SASH1: variants seen among roughly 807,000 people sequenced by gnomAD.
SASH1 encodes SAM and SH3 domain-containing protein 1.
Under a neutral mutation model 125.2 loss-of-function variants are expected in SASH1, and 44 were observed. That is an observed-to-expected ratio of 0.35 (90% CI 0.28 to 0.45). SASH1 has a LOEUF of 0.45. SASH1 is among the 20% of genes least tolerant of loss of function. SASH1 has a pLI of 1.00. For missense variants in SASH1, 1,426 were observed against 1,614.5 expected, an observed-to-expected ratio of 0.88 and a Z score of 2.00; for synonymous variants, 639 against 649.1, an observed-to-expected ratio of 0.98 and a Z score of 0.24.
At chr6:148,513,839 T>C in intron 8 of SASH1, 1 of 986,486 alleles carries the variant, frequency 1.0e-6, no homozygotes, top group Non-Finnish European at 1.2e-6. Flanking sequence ...TTCCCTTTCC[T>C]GCCCTGCTGT....
intron 2 of SASH1, among the ~76,000 whole-genome samples, chr6:148,405,921 G>GA (rs565955379): frequency 3.6e-4 from 54 of 152,068 alleles, no homozygotes; most frequent in African/African-American, 1.2e-3. Context: ...TGTTACTTAG[G>GA]AAAAAAAATC....
rs1197462267 is a variant in SASH1 at position 148,326,351 on chromosome 6, T to C, written n.74+53974T>C. Among the ~76,000 whole-genome samples the C allele has an allele frequency of 2.4e-3, 196 of 82,946 alleles. 9 individuals carry two copies. Among genetic ancestry groups the C allele is most frequent in the African/African-American group, 8.2e-3 (189 of 22,978 alleles). The allele number at this position is 82,946 out of a possible 152,430, so 54.4% of individuals were successfully genotyped here. A position where few individuals can be genotyped will look rare whatever the true frequency, so the allele number is the denominator to read the frequency against. On this transcript the variant is annotated intron_variant and non_coding_transcript_variant, in intron 1 of 3. Transcript: ENST00000367469. Reference sequence around the variant, plus strand: ...ATATATATATATATATATATATATATATATATGCATATATATATATATACA... The same window carrying C: ...ATATATATATATATATATATATATACATATATGCATATATATATATATACA...
chr6:148,262,824 A>G, the SASH1 span, among the ~76,000 whole-genome samples: 1 of 152,212 alleles, frequency 6.6e-6, no homozygotes, highest in Admixed American at 6.5e-5. Context: ...GGGAGGTTGC[A>G]GTGAGCCAAG....
chr6:148,504,193 G>A (rs1372589735), intron 8 of SASH1, among the ~76,000 whole-genome samples: 3 of 152,196 alleles, frequency 2.0e-5, no homozygotes, highest in Non-Finnish European at 4.4e-5. Context: ...AGTTAGGGGT[G>A]TGGATGCAAT....
rs1357098189 is a variant in SASH1 at position 148,342,999 on chromosome 6, G to C, written c.-69G>C. On this transcript the variant is annotated 5_prime_UTR_variant, in exon 1 of 20. Coordinates refer to ENST00000367467, the MANE Select transcript of SASH1 (RefSeq NM_015278.5). ...GGGCGGGGACCCGGCATCCGGGCAG[G>C]CTGCGCGCGGGTGCGGGGCGAGGGC... 7 of 1,085,600 alleles carry C rather than the reference G, an allele frequency of 6.4e-6. No individual in the cohort carries two copies. The highest frequency in any genetic ancestry group is 7.8e-6 in the Non-Finnish European group (7 of 895,520). The allele number at this position is 1,085,600 out of a possible 1,614,324, so 67.2% of individuals were successfully genotyped here.
At chr6:148,445,722 A>C (rs375240785) in intron 4 of SASH1, among the ~76,000 whole-genome samples, 34 of 152,272 alleles carry the variant, frequency 2.2e-4, no homozygotes, top group African/African-American at 7.9e-4. Context: ...AGAGGGAAGA[A>C]GGCAGTAGGT....
chr6:148,351,191 G>GTTTT (rs67285564), intron 1 of SASH1, among the ~76,000 whole-genome samples: 1 of 102,156 alleles, frequency 9.8e-6, no homozygotes, highest in African/African-American at 3.4e-5. Flanking sequence ...TGCGATAGTA[G>GTTTT]TTTTTTTTTT....
At chr6:148,433,413 T>C (rs555741996) in intron 2 of SASH1, among the ~76,000 whole-genome samples, 5 of 141,900 alleles carry the variant, frequency 3.5e-5, no homozygotes, top group South Asian at 2.1e-4. Context: ...TTTCTTTTTT[T>C]TTTTTTTTTT....
At chr6:148,454,010 C>T (rs1777222884) in intron 4 of SASH1, among the ~76,000 whole-genome samples, 1 of 152,198 alleles carries the variant, frequency 6.6e-6, no homozygotes, top group Non-Finnish European at 1.5e-5. Flanking sequence ...CTGAAGTCAG[C>T]AGGGCAGGCA....
intron 2 of SASH1, among the ~76,000 whole-genome samples, chr6:148,415,223 A>G (rs1007153512): frequency 1.3e-5 from 2 of 152,332 alleles, no homozygotes; most frequent in African/African-American, 4.8e-5. Flanking sequence ...AACAATTTAC[A>G]TACTGACATT....
intron 1 of SASH1, among the ~76,000 whole-genome samples, chr6:148,375,972 T>A (rs559459412): frequency 2.8e-4 from 42 of 152,328 alleles, no homozygotes; most frequent in African/African-American, 9.4e-4. Context: ...AGCTAACTCA[T>A]GCACTGTACT....
At chr6:148,359,182 G>A (rs543552336) in intron 1 of SASH1, among the ~76,000 whole-genome samples, 51 of 151,874 alleles carry the variant, frequency 3.4e-4, no homozygotes, top group Admixed American at 2.2e-3. Context: ...TTCTTGAGAC[G>A]GTGTCTCACT....
chr6:148,331,858 A>T (rs1781004314), intron 1 of SASH1, among the ~76,000 whole-genome samples: 1 of 151,528 alleles, frequency 6.6e-6, no homozygotes, highest in Non-Finnish European at 1.5e-5. Flanking sequence ...TGCCTGGTTA[A>T]TTTTTTGTAG....
intron 7 of SASH1, among the ~76,000 whole-genome samples, chr6:148,474,660 C>G (rs73585694): frequency 6.6e-6 from 1 of 152,186 alleles, no homozygotes; most frequent in Non-Finnish European, 1.5e-5. Flanking sequence ...CAGCCTCAAC[C>G]TCCTGGGTCC....
At chr6:148,402,790 T>C (rs961594381) in intron 2 of SASH1, among the ~76,000 whole-genome samples, 1 of 151,076 alleles carries the variant, frequency 6.6e-6, no homozygotes, top group Non-Finnish European at 1.5e-5. Context: ...TTCTATTTTT[T>C]AGTAGAGACA....
chr6:148,349,366 C>T (rs1389572866), intron 1 of SASH1, among the ~76,000 whole-genome samples: 1 of 139,518 alleles, frequency 7.2e-6, no homozygotes, highest in Non-Finnish European at 1.5e-5. Flanking sequence ...CAGGTTCAAG[C>T]AATTCTCCTG....
At chr6:148,234,981 G>C in the SASH1 span, among the ~76,000 whole-genome samples, 1 of 152,294 alleles carries the variant, frequency 6.6e-6, no homozygotes, top group African/African-American at 2.4e-5. Flanking sequence ...TCGGTCCCAG[G>C]TGAAGTAGAA....
In SASH1 at chr6:148,532,086, A is replaced by AT. The variant is rs1583313207; in HGVS notation, c.1564+430dup. Among the ~76,000 whole-genome samples the AT allele has an allele frequency of 1.3e-5, 2 of 152,008 alleles. No individual in the cohort carries two copies. Among genetic ancestry groups the AT allele is most frequent in the Non-Finnish European group, 2.9e-5 (2 of 67,990 alleles). ...AAAAGATCAACTTTATTTTATTTTT[A>AT]TTTTTATTTTTGAGATGGAGTCTCA... On this transcript the variant is annotated intron_variant, in intron 13 of 19. Coordinates refer to ENST00000367467, the MANE Select transcript of SASH1 (RefSeq NM_015278.5). This position sits in a 1 kb window ranked among gnomAD's most constrained non-coding sequence, Gnocchi z 4.7.
chr6:148,432,958 G>A (rs1018841929), intron 2 of SASH1, among the ~76,000 whole-genome samples: 2 of 152,202 alleles, frequency 1.3e-5, no homozygotes, highest in African/African-American at 4.8e-5. Flanking sequence ...TGTGGCTGTA[G>A]ATGTGTGTGT....
Sources: gnomAD v4.1 joint callset for allele counts (sites outside exome capture counted in the v4.1 genomes callset) on GRCh38, gnomAD v4.1.1 for gene constraint, Gnocchi (gnomAD v3.1) non-coding constraint, MANE v1.5 for transcripts, NCBI Gene and HGNC (gene_info 2026-07-23, HGNC 2026-07-21) for gene names.